P3H1: variants seen among roughly 807,000 people sequenced by gnomAD.
The protein encoded by P3H1 is growth suppressor 1.
P3H1 carries 69 observed loss-of-function variants against 84.0 expected under a neutral mutation model. The ratio of observed to expected loss-of-function variants is 0.82; its 90% CI spans 0.68 to 1.00. The LOEUF (loss-of-function observed/expected upper bound fraction) is 1.00, where lower values mean the gene tolerates loss of function less well. Among genes scored for constraint, P3H1 ranks in the 50% least tolerant of loss-of-function variants. The probability of loss-of-function intolerance (pLI) is 0.00; values close to 1 mark genes in which losing one functional copy is unlikely to be tolerated. For missense variants in P3H1, 878 were observed against 962.8 expected (o/e 0.91, Z 1.17); for synonymous variants, 366 against 388.8 (o/e 0.94, Z 0.69).
intron 1 of P3H1, among the ~76,000 whole-genome samples, chr1:42,763,110 T>G (rs1652806508): frequency 1.3e-5 from 2 of 151,918 alleles, no homozygotes; most frequent in Non-Finnish European, 1.5e-5. Context: ...CATATATATA[T>G]TTCATGAATC....
At chr1:42,757,698 C>T (rs962613406) in intron 5 of P3H1, 85 bp downstream of exon 5, 22 of 1,597,950 alleles carry the variant, frequency 1.4e-5, no homozygotes, top group South Asian at 2.2e-5. Context: ...GCACGCACAG[C>T]GCCTACTCCC....
In P3H1 at chr1:42,766,014, C is replaced by A. The variant is rs115951209; in HGVS notation, c.465+493G>T. Among the ~76,000 whole-genome samples the A allele has an allele frequency of 7.8e-3, 682 of 87,840 alleles. 38 individuals carry two copies. Among genetic ancestry groups the A allele is most frequent in the African/African-American group, 0.027 (649 of 23,664 alleles). The allele number at this position is 87,840 out of a possible 152,430, so 57.6% of individuals were successfully genotyped here. ...GGCAGACTAGCCAGAGGGTCCCCCC[C>A]CCGCCCCCACACACACACAGAAAGG... On this transcript the variant is annotated intron_variant, in intron 1 of 14. Transcript: ENST00000296388.
chr1:42,763,217 GA>G (rs1165892423), intron 1 of P3H1, among the ~76,000 whole-genome samples: 16 of 151,994 alleles, frequency 1.1e-4, no homozygotes, highest in Admixed American at 6.6e-5. Context: ...AATTTTCCTA[GA>G]AAAAAATTTT....
At position 42,766,660 on chromosome 1, in the gene P3H1, C is replaced by G; in HGVS notation, c.312G>C (p.Leu104=). The stretch of plus-strand genomic sequence containing the variant: ...GGCCCCCGAAGAAGCTCAGGTCGCG[C>G]AGGGCGGCGGCGCCCGAGGCCTGGG... ...SPAQASGAAA[L]RDLSFFGGLL... The change falls in exon 1 of 15, where the codon CTG becomes CTC. Residue 104 remains leucine, a synonymous_variant. Transcript: ENST00000296388. 6.4e-7 allele frequency: 1 copy of G among 1,553,234 alleles called. No homozygotes were observed. Among genetic ancestry groups the G allele is most frequent in the Non-Finnish European group, 8.7e-7 (1 of 1,149,178 alleles).
intron 1 of P3H1, among the ~76,000 whole-genome samples, chr1:42,765,140 G>T (rs1172823533): frequency 1.3e-5 from 2 of 152,142 alleles, no homozygotes; most frequent in African/African-American, 4.8e-5. Flanking sequence ...GACTTTTCTA[G>T]CCGCCTCTCC....
chr1:42,751,829 G>GC lies in P3H1; in HGVS notation c.1569+444dup, dbSNP rs1557564937. 1.3e-5 allele frequency: 3 copies of GC among 231,196 alleles called. No homozygotes were observed. In the East Asian group the frequency reaches 3.0e-4, roughly 23 times the overall value. The allele number at this position is 231,196 out of a possible 1,614,324, so 14.3% of individuals were successfully genotyped here. A position where few individuals can be genotyped will look rare whatever the true frequency, so the allele number is the denominator to read the frequency against. ...CAGTGTGAAAACGGACTAACACAACGCCCCTCTTTAGGGGCCAGAGACAAT... is the reference window on the plus strand; with the variant it reads ...CAGTGTGAAAACGGACTAACACAACGCCCCCTCTTTAGGGGCCAGAGACAAT... On this transcript the variant is annotated intron_variant, in intron 10 of 14. Coordinates refer to ENST00000296388, the MANE Select transcript of P3H1 (RefSeq NM_022356.4).
chr1:42,759,925 T>C (rs1557574151), intron 2 of P3H1: 1 of 152,552 alleles, frequency 6.6e-6, no homozygotes, highest in Non-Finnish European at 1.4e-5. Context: ...TATCTAGGAG[T>C]TCATTATGAT....
chr1:42,752,742 G>A (rs987649911), intron 8 of P3H1, 78 bp from the exon 9 acceptor site: 56 of 1,562,022 alleles, frequency 3.6e-5, no homozygotes, highest in South Asian at 1.0e-4. Context: ...TTGCCTCCTC[G>A]TCACAAATAG....
chr1:42,756,477 G>A (rs192479597), intron 5 of P3H1: 123 of 154,534 alleles, frequency 8.0e-4, no homozygotes, highest in African/African-American at 2.5e-3. Context: ...GCAGCAGGAG[G>A]AGGAAGGAAG....
At chr1:42,761,171 T>C (rs1219133236) in intron 2 of P3H1, 1 of 151,412 alleles carries the variant, frequency 6.6e-6, no homozygotes, top group Non-Finnish European at 1.5e-5. Context: ...GGTTTCACCA[T>C]ATTGGCCAGG....
At chr1:42,748,600 G>A (rs912365821) in intron 11 of P3H1, 3 of 446,958 alleles carry the variant, frequency 6.7e-6, no homozygotes, top group African/African-American at 6.0e-5. Context: ...TTTGTAGCTG[G>A]ACTTTACAAA....
intron 12 of P3H1, 64 bp downstream of exon 12, chr1:42,748,136 A>T: frequency 1.7e-6 from 2 of 1,197,338 alleles, no homozygotes; most frequent in Non-Finnish European, 2.5e-6. Flanking sequence ...AGTAGAGTGC[A>T]GGGCACTGTG....
intron 3 of P3H1, 98 bp downstream of exon 3, chr1:42,759,103 T>C (rs1652559992): frequency 1.3e-6 from 2 of 1,568,710 alleles, no homozygotes; most frequent in African/African-American, 2.7e-5. Flanking sequence ...TTTAATAAAT[T>C]GAGGAATGAG....
chr1:42,765,804 G>A (rs140877199), intron 1 of P3H1, among the ~76,000 whole-genome samples: 523 of 151,846 alleles, frequency 3.4e-3, no homozygotes, highest in Non-Finnish European at 4.4e-3. Context: ...TGAAGATTAG[G>A]GCAAATGCGT....
intron 9 of P3H1, 30 bp from the exon 10 acceptor site, chr1:42,752,399 A>C (rs1371989591): frequency 1.9e-6 from 3 of 1,612,030 alleles, no homozygotes; most frequent in Non-Finnish European, 2.5e-6. Flanking sequence ...AGGTGATGTT[A>C]GCCAGGGCAG....
Position 42,759,252 on chromosome 1 carries a change from C to CG in P3H1, c.756dup (p.Asp253ArgfsTer7). The CG allele has an allele frequency of 6.2e-7, 1 of 1,614,166 alleles. No individual in the cohort carries two copies. The highest frequency in any genetic ancestry group is 8.5e-7 in the Non-Finnish European group (1 of 1,180,040). On this transcript the variant is annotated frameshift_variant, in exon 3 of 15. Coordinates refer to ENST00000296388, the MANE Select transcript of P3H1 (RefSeq NM_022356.4). LOFTEE classifies it high-confidence loss of function. ...TTGTACTCAAGGTAGTTGTAGCCAT[C>CG]GTAGTCATAGGGCCCTTCGCAGAGG...
At position 42,766,490 on chromosome 1, in the gene P3H1, T is replaced by G; in HGVS notation, c.465+17A>C. On this transcript the variant is annotated intron_variant, in intron 1 of 14. Transcript: ENST00000296388. The stretch of plus-strand genomic sequence containing the variant: ...CCCAGAAGGACCCCGGCCGCCTGGT[T>G]CCAGGCAGGTCTGCACCTTGAAGTA... The G allele has an allele frequency of 6.3e-7, 1 of 1,588,644 alleles. No homozygotes were observed.
chr1:42,747,510 G>A, intron 13 of P3H1, 98 bp from the exon 14 acceptor site: 1 of 1,273,302 alleles, frequency 7.9e-7, no homozygotes, highest in Non-Finnish European at 1.1e-6. Flanking sequence ...ACCGAGGGCA[G>A]CTCTTCAGTA....
At chr1:42,752,806 A>C (rs1427749219) in intron 8 of P3H1, 142 bp from the exon 9 acceptor site, 1 of 1,065,972 alleles carries the variant, frequency 9.4e-7, no homozygotes, top group Non-Finnish European at 1.4e-6. Flanking sequence ...GTCATTTTCA[A>C]AGGTAGAATA....
Sources: allele counts gnomAD v4.1 joint callset (sites outside exome capture counted in the v4.1 genomes callset), GRCh38; gene constraint gnomAD v4.1.1; transcripts MANE v1.5; gene names NCBI Gene and HGNC (gene_info 2026-07-23, HGNC 2026-07-21).